MPP7: variants seen among roughly 807,000 people sequenced by gnomAD.
MPP7 encodes MAGUK p55 subfamily member 7.
Under a neutral mutation model 76.5 loss-of-function variants are expected in MPP7, and 60 were observed. That is an observed-to-expected ratio of 0.78 (90% CI 0.64 to 0.97). The LOEUF is 0.97. MPP7 is among the 50% of genes least tolerant of loss of function. The probability of loss-of-function intolerance (pLI) is 0.00; values close to 1 mark genes in which losing one functional copy is unlikely to be tolerated. For missense variants in MPP7, 641 were observed against 694.0 expected (o/e 0.92, Z 0.86); for synonymous variants, 237 against 244.5 (o/e 0.97, Z 0.29).
chr10:28,209,769 G>A (rs1230554946), intron 2 of MPP7, among the ~76,000 whole-genome samples: 1 of 152,178 alleles, frequency 6.6e-6, no homozygotes, highest in Non-Finnish European at 1.5e-5. Context: ...ACAGTCTTGA[G>A]ATGGTTAATT....
At chr10:28,333,581 T>C (rs1834489365) in intron 1 of MPP7, among the ~76,000 whole-genome samples, 1 of 152,168 alleles carries the variant, frequency 6.6e-6, no homozygotes, top group South Asian at 2.1e-4. Flanking sequence ...TGCAACGTTG[T>C]ACATTTGTGA....
At chr10:28,212,686 A>G (rs1838179564) in intron 2 of MPP7, among the ~76,000 whole-genome samples, 1 of 152,176 alleles carries the variant, frequency 6.6e-6, no homozygotes, top group Non-Finnish European at 1.5e-5. Flanking sequence ...AGAAGAGAGG[A>G]GGGACCAGCA....
intron 2 of MPP7, among the ~76,000 whole-genome samples, chr10:28,235,799 T>C (rs1238973276): frequency 6.6e-6 from 1 of 152,174 alleles, no homozygotes; most frequent in Non-Finnish European, 1.5e-5. Flanking sequence ...TCAACTATTA[T>C]AGAAGAAATG....
At chr10:28,090,038 G>A (rs1313081410) in intron 11 of MPP7, among the ~76,000 whole-genome samples, 197 bp from the exon 12 acceptor site, 1 of 152,004 alleles carries the variant, frequency 6.6e-6, no homozygotes, top group Non-Finnish European at 1.5e-5. Flanking sequence ...ACAGCTTACT[G>A]CAGTGTTGAA....
At chr10:28,327,689 A>T (rs186484605) in intron 2 of MPP7, among the ~76,000 whole-genome samples, 1 of 152,242 alleles carries the variant, frequency 6.6e-6, no homozygotes, top group Admixed American at 6.5e-5. Context: ...ATCTAGGGAC[A>T]TGTTTAGAAC....
intron 11 of MPP7, chr10:28,118,079 T>C (rs1834713923): frequency 1.0e-6 from 1 of 966,054 alleles, no homozygotes; most frequent in African/African-American, 1.8e-5. Context: ...AATAAATATT[T>C]ATCAGATCCA....
At chr10:28,155,653 C>T (rs965159966) in intron 3 of MPP7, among the ~76,000 whole-genome samples, 3 of 151,138 alleles carry the variant, frequency 2.0e-5, no homozygotes, top group Non-Finnish European at 4.4e-5. Flanking sequence ...GACCCTTGGG[C>T]CAATTTGTGC....
chr10:28,057,079 C>T (rs1330640231), intron 15 of MPP7, among the ~76,000 whole-genome samples: 2 of 152,174 alleles, frequency 1.3e-5, no homozygotes, highest in Admixed American at 6.5e-5. Flanking sequence ...TTCATCAAAT[C>T]TTTGATGTTC....
rs1195166638 is a variant in MPP7, at chr10:28,262,277, A to ATTTTT, written c.-131-23547_-131-23543dup. ...TATATATGTATATATATATATATAT[A>ATTTTT]TTTTTTTTTTTTTCTTCACCATGTT... On this transcript the variant is annotated intron_variant, in intron 1 of 16. Transcript: ENST00000683449. 3.9e-4 allele frequency among the ~76,000 whole-genome samples: 21 copies of ATTTTT among 54,350 alleles called. 3 individuals are homozygous for ATTTTT. Among genetic ancestry groups the ATTTTT allele is most frequent in the African/African-American group, 1.7e-3 (21 of 12,032 alleles). The allele number at this position is 54,350 out of a possible 152,430, so 35.7% of individuals were successfully genotyped here.
chr10:28,182,533 G>A (rs1837091667), intron 3 of MPP7, among the ~76,000 whole-genome samples: 1 of 152,200 alleles, frequency 6.6e-6, no homozygotes, highest in South Asian at 2.1e-4. Flanking sequence ...GACTGCATGT[G>A]TGTACAAGGG....
chr10:28,314,059 T>C (rs1449698745), intron 2 of MPP7, among the ~76,000 whole-genome samples: 1 of 152,088 alleles, frequency 6.6e-6, no homozygotes, highest in Non-Finnish European at 1.5e-5. Context: ...GGCTGGCTCC[T>C]GTTAGCAAAT....
intron 2 of MPP7, among the ~76,000 whole-genome samples, chr10:28,230,608 G>A (rs541925938): frequency 3.3e-5 from 5 of 152,106 alleles, no homozygotes; most frequent in Non-Finnish European, 7.4e-5. Flanking sequence ...GAGGTCAGAA[G>A]TTCAAGACCA....
At position 28,120,376 on chromosome 10, in the gene MPP7, G is replaced by C; in HGVS notation, c.705C>G (p.Ala235=). 1 of 1,606,122 alleles carries C rather than the reference G, an allele frequency of 6.2e-7. No individual in the cohort carries two copies. Among genetic ancestry groups the C allele is most frequent in the Non-Finnish European group, 8.5e-7 (1 of 1,177,582 alleles). Residue 235 remains alanine, a synonymous_variant, in exon 10 of 17, where the codon GCC becomes GCG. Coordinates refer to ENST00000683449, the MANE Select transcript of MPP7 (RefSeq NM_001318170.2). ...PSKEGKMFIK[A]LFDYNPNEDK... Reference sequence around the variant, plus strand: ...CCTCATTAGGATTATAGTCAAAGAGGGCTTTGATAAACATCTGGAAGAAAA... The same window carrying C: ...CCTCATTAGGATTATAGTCAAAGAGCGCTTTGATAAACATCTGGAAGAAAA...
intron 2 of MPP7, among the ~76,000 whole-genome samples, chr10:28,312,592 A>G (rs1172014728): frequency 2.0e-5 from 3 of 152,238 alleles, no homozygotes; most frequent in Non-Finnish European, 4.4e-5. Context: ...CTCATTAAGA[A>G]CAAAATACGT....
chr10:28,251,423 T>C (rs1348413451), intron 1 of MPP7, among the ~76,000 whole-genome samples: 1 of 151,916 alleles, frequency 6.6e-6, no homozygotes, highest in African/African-American at 2.4e-5. Flanking sequence ...GATCGCACCA[T>C]TGCATTCCAG....
intron 1 of MPP7, among the ~76,000 whole-genome samples, chr10:28,252,672 A>G (rs932218269): frequency 3.5e-5 from 5 of 144,520 alleles, no homozygotes; most frequent in Non-Finnish European, 6.0e-5. Flanking sequence ...TTAAAAGGCA[A>G]CCAGATGAGA....
At chr10:28,133,601 T>C (rs1240990383) in intron 5 of MPP7, among the ~76,000 whole-genome samples, 3 of 152,212 alleles carry the variant, frequency 2.0e-5, no homozygotes, top group African/African-American at 7.2e-5. Context: ...ATCAAACTTT[T>C]GAATTGACTA....
At chr10:28,209,827 G>A (rs1324809560) in intron 2 of MPP7, among the ~76,000 whole-genome samples, 5 of 152,200 alleles carry the variant, frequency 3.3e-5, no homozygotes. Flanking sequence ...TAGGTGGTAA[G>A]ACATTATTTC....
chr10:28,169,777 A>G (rs1196812057), intron 3 of MPP7, among the ~76,000 whole-genome samples: 1 of 152,208 alleles, frequency 6.6e-6, no homozygotes, highest in East Asian at 1.9e-4. Flanking sequence ...TTTCATATAC[A>G]GACCTTGCAG....
Sources: allele counts gnomAD v4.1 joint callset (sites outside exome capture counted in the v4.1 genomes callset), GRCh38; gene constraint gnomAD v4.1.1; transcripts MANE v1.5; gene names NCBI Gene and HGNC (gene_info 2026-07-23, HGNC 2026-07-21).